DCAF7: variants seen among roughly 807,000 people sequenced by gnomAD.
DCAF7 encodes the protein DDB1 and CUL4 associated factor 7.
A neutral mutation model predicts 41.2 loss-of-function variants in DCAF7; 4 were observed. That is an observed-to-expected ratio of 0.10 (90% CI 0.05 to 0.22). The LOEUF is 0.22. Among genes scored for constraint, DCAF7 ranks in the 10% least tolerant of loss-of-function variants. The pLI, the probability that DCAF7 is intolerant of heterozygous loss-of-function variation, is 1.00. For missense variants in DCAF7, 131 were observed against 443.2 expected (o/e 0.30, Z 6.32); for synonymous variants, 143 against 164.2 (o/e 0.87, Z 0.99).
In DCAF7 at chr17:63,563,268, G is replaced by C. The variant is rs1015548455; in HGVS notation, c.138+12453G>C. The stretch of plus-strand genomic sequence containing the variant: ...AACAGGAAAAATGCTGAACCTCACA[G>C]GTAGTTAAGGGAAATGAGAATTGTG... On this transcript the variant is annotated intron_variant, in intron 1 of 6. Coordinates refer to ENST00000614556, the MANE Select transcript of DCAF7 (RefSeq NM_005828.5). Among the ~76,000 whole-genome samples, 9 of 152,258 alleles carry C rather than the reference G, an allele frequency of 5.9e-5. No individual in the cohort carries two copies. In the East Asian group the frequency reaches 1.5e-3, roughly 26 times the overall value.
intron 6 of DCAF7, among the ~76,000 whole-genome samples, chr17:63,587,326 C>CTT (rs58017577): frequency 2.1e-5 from 3 of 144,272 alleles, no homozygotes; most frequent in African/African-American, 5.1e-5. Context: ...TTATTGCCCT[C>CTT]TTTTTTTTTT....
Position 63,585,207 on chromosome 17 carries a change from G to A in DCAF7, c.739-4G>A, listed in dbSNP as rs752558835. On this transcript the variant is annotated splice_polypyrimidine_tract_variant and splice_region_variant and intron_variant, in intron 5 of 6. Transcript: ENST00000614556. ...CCCAGGCCTTTTACTTGTTATTTCCGCAGGTGGTGATTCTAGATGTCCGGG... is the reference window on the plus strand; with the variant it reads ...CCCAGGCCTTTTACTTGTTATTTCCACAGGTGGTGATTCTAGATGTCCGGG... 7.4e-6 allele frequency: 12 copies of A among 1,611,486 alleles called. No individual in the cohort carries two copies. The highest frequency in any genetic ancestry group is 3.3e-4 in the Middle Eastern group (2 of 6,074).
Position 63,573,080 on chromosome 17 carries a change from A to T in DCAF7, c.139-5390A>T, listed in dbSNP as rs113261686. Among the ~76,000 whole-genome samples the T allele has an allele frequency of 9.3e-3, 1,413 of 152,118 alleles. 32 individuals are homozygous for T. The highest frequency in any genetic ancestry group is 0.033 in the African/African-American group (1,367 of 41,466). On this transcript the variant is annotated intron_variant, in intron 1 of 6. Transcript: ENST00000614556. ...ACCCAGCCTCAGAGGTTTATTCTTT[A>T]TTCTGCCCAATGAGCCTCAGAATTT... is the stretch of plus-strand genomic sequence containing the variant.
rs893497828 is a variant in DCAF7, at chr17:63,550,522, C to A, written c.-156C>A. 11 of 1,222,972 alleles carry A rather than the reference C, an allele frequency of 9.0e-6. No individual in the cohort carries two copies. Among genetic ancestry groups the A allele is most frequent in the African/African-American group, 1.5e-5 (1 of 65,864 alleles). 75.8% of individuals were successfully genotyped at this position (1,222,972 alleles called of 1,614,324 possible). A position where few individuals can be genotyped will look rare whatever the true frequency, so the allele number is the denominator to read the frequency against. On this transcript the variant is annotated 5_prime_UTR_variant, in exon 1 of 7. Transcript: ENST00000614556. The surrounding 1 kb of genome is among the most constrained non-coding windows in gnomAD (Gnocchi z 4.8). Reference sequence around the variant, plus strand: ...TTTGAAACTAGGGGTCGGGCTCGGCCGTCGTCGTTGTTTGTCGCCGCATCC... The same window carrying A: ...TTTGAAACTAGGGGTCGGGCTCGGCAGTCGTCGTTGTTTGTCGCCGCATCC...
At chr17:63,554,152 C>T (rs983743924) in intron 1 of DCAF7, among the ~76,000 whole-genome samples, 5 of 152,200 alleles carry the variant, frequency 3.3e-5, no homozygotes, top group African/African-American at 1.2e-4. Context: ...TTATAGTGAG[C>T]CAAGATCACG....
intron 1 of DCAF7, among the ~76,000 whole-genome samples, chr17:63,574,836 G>A (rs143470948): frequency 1.6e-4 from 24 of 151,094 alleles, no homozygotes; most frequent in African/African-American, 4.1e-4. Context: ...AGCTGGGTAC[G>A]GTGGCTTGTA....
intron 1 of DCAF7, among the ~76,000 whole-genome samples, chr17:63,577,137 T>A (rs922931906): frequency 1.3e-5 from 2 of 152,092 alleles, no homozygotes; most frequent in Admixed American, 1.3e-4. Flanking sequence ...GTATGAGGGG[T>A]TGACTGCGGA....
At chr17:63,568,858 G>A (rs2033474233) in intron 1 of DCAF7, among the ~76,000 whole-genome samples, 1 of 152,212 alleles carries the variant, frequency 6.6e-6, no homozygotes, top group Admixed American at 6.5e-5. Context: ...ATGTATGCCA[G>A]CTTTCCCTGC....
chr17:63,553,121 A>G (rs757771847), intron 1 of DCAF7, among the ~76,000 whole-genome samples: 4 of 152,168 alleles, frequency 2.6e-5, no homozygotes, highest in Non-Finnish European at 5.9e-5. Flanking sequence ...ACAGATATAA[A>G]CAACATGTTT....
intron 1 of DCAF7, among the ~76,000 whole-genome samples, chr17:63,577,467 T>C (rs866416052): frequency 2.0e-5 from 3 of 152,208 alleles, no homozygotes; most frequent in African/African-American, 7.2e-5. Context: ...TAGTGTCCCA[T>C]TGAGCCAGAT....
In DCAF7 at chr17:63,560,594, A is replaced by G. The variant is rs1055811440; in HGVS notation, c.138+9779A>G. On this transcript the variant is annotated intron_variant, in intron 1 of 6. Transcript: ENST00000614556. ...CCATATGTGGTTGTGTGTAGAAGGG[A>G]TACACAAGAAATTGATAACATTGAT... Among the ~76,000 whole-genome samples, 3 of 152,166 alleles carry G rather than the reference A, an allele frequency of 2.0e-5. No individual in the cohort carries two copies. In the East Asian group the frequency reaches 5.8e-4, roughly 29 times the overall value.
intron 3 of DCAF7, 65 bp from the exon 4 acceptor site, chr17:63,579,760 A>G: frequency 1.4e-6 from 2 of 1,383,004 alleles, no homozygotes; most frequent in Non-Finnish European, 2.0e-6. Context: ...ATGAGTAAAC[A>G]CAAGAGGGAA....
At position 63,591,697 on chromosome 17, in the gene DCAF7, G is replaced by T. The variant is rs904004616; in HGVS notation, c.*2525G>T. 1 of 152,214 alleles carries T rather than the reference G, an allele frequency of 6.6e-6. No individual in the cohort carries two copies. Among genetic ancestry groups the T allele is most frequent in the Non-Finnish European group, 1.5e-5 (1 of 68,048 alleles). The allele number at this position is 152,214 out of a possible 1,614,324, so 9.4% of individuals were successfully genotyped here. On this transcript the variant is annotated 3_prime_UTR_variant, in exon 7 of 7. Coordinates refer to ENST00000614556, the MANE Select transcript of DCAF7 (RefSeq NM_005828.5). ...AGCCATCCATGCTCCAGAAAGCACCGATCTGTTGTAGTTGCAAAAACAACT... is the reference window on the plus strand; with the variant it reads ...AGCCATCCATGCTCCAGAAAGCACCTATCTGTTGTAGTTGCAAAAACAACT...
chr17:63,582,784 C>G (rs1219572222), intron 4 of DCAF7, among the ~76,000 whole-genome samples: 1 of 152,138 alleles, frequency 6.6e-6, no homozygotes, highest in African/African-American at 2.4e-5. Flanking sequence ...TTCTCTGAAG[C>G]TCTCCGTTGC....
In DCAF7 at chr17:63,550,913, C is replaced by A; in HGVS notation, c.138+98C>A. 6.6e-7 allele frequency: 1 copy of A among 1,511,122 alleles called. No homozygotes were observed. Among genetic ancestry groups the A allele is most frequent in the South Asian group, 1.2e-5 (1 of 80,410 alleles). 93.6% of individuals were successfully genotyped at this position (1,511,122 alleles called of 1,614,324 possible). On this transcript the variant is annotated intron_variant, in intron 1 of 6. Transcript: ENST00000614556. The surrounding 1 kb of genome is among the most constrained non-coding windows in gnomAD (Gnocchi z 4.8). ...CCAGGCCTCAGAACCCTCTTGCGGA[C>A]TCGCCCTAGGGCCACGGAGCGGTTC...
intron 1 of DCAF7, among the ~76,000 whole-genome samples, chr17:63,567,321 G>A (rs1290683583): frequency 4.6e-5 from 7 of 152,004 alleles, no homozygotes; most frequent in Non-Finnish European, 1.0e-4. Flanking sequence ...AAAAAAAATT[G>A]AACAACATGA....
intron 4 of DCAF7, among the ~76,000 whole-genome samples, chr17:63,581,096 T>C (rs1243070770): frequency 6.6e-6 from 1 of 152,190 alleles, no homozygotes; most frequent in East Asian, 1.9e-4. Context: ...TGGCTTTCTG[T>C]ACTCCTGAAG....
At position 63,559,439 on chromosome 17, in the gene DCAF7, G is replaced by GTGTGTATATA. The variant is rs1555680864; in HGVS notation, c.138+8625_138+8626insGTGTATATAT. 2.2e-3 allele frequency among the ~76,000 whole-genome samples: 270 copies of GTGTGTATATA among 122,094 alleles called. 3 individuals are homozygous for GTGTGTATATA. The highest frequency in any genetic ancestry group is 9.0e-3 in the African/African-American group (258 of 28,806). The allele number at this position is 122,094 out of a possible 152,430, so 80.1% of individuals were successfully genotyped here. On this transcript the variant is annotated intron_variant, in intron 1 of 6. Coordinates refer to ENST00000614556, the MANE Select transcript of DCAF7 (RefSeq NM_005828.5). Reference sequence around the variant, plus strand: ...TATATACGTATATATATATGTGTGTGTATATATATATATATATATTTTTAA... The same window carrying GTGTGTATATA: ...TATATACGTATATATATATGTGTGTGTGTGTATATATATATATATATATATATATTTTTAA...
chr17:63,558,399 T>C (rs1388365978), intron 1 of DCAF7, among the ~76,000 whole-genome samples: 1 of 152,194 alleles, frequency 6.6e-6, no homozygotes, highest in Non-Finnish European at 1.5e-5. Flanking sequence ...ATATGTAAGG[T>C]TTATGTGGAA....
Sources: gnomAD v4.1 joint callset for allele counts (sites outside exome capture counted in the v4.1 genomes callset) on GRCh38, gnomAD v4.1.1 for gene constraint, Gnocchi (gnomAD v3.1) non-coding constraint, MANE v1.5 for transcripts, NCBI Gene and HGNC (gene_info 2026-07-23, HGNC 2026-07-21) for gene names.